The following PDE4D variants were observed in gnomAD, a reference collection of about 807,000 sequenced individuals.
The protein encoded by PDE4D is phosphodiesterase 4D, also known as 3',5'-cyclic-AMP phosphodiesterase 4D.
PDE4D carries 24 observed loss-of-function variants against 87.4 expected under a neutral mutation model. The observed-to-expected ratio is 0.27, with a 90% confidence interval of 0.20 to 0.39. PDE4D has a LOEUF of 0.39. PDE4D is among the 10% of genes least tolerant of loss of function. The pLI, the probability that PDE4D is intolerant of heterozygous loss-of-function variation, is 1.00. For missense variants in PDE4D, 714 were observed against 1,041.0 expected (o/e 0.69, Z 4.32); for synonymous variants, 384 against 383.2 (o/e 1.00, Z -0.02).
intron 1 of PDE4D, among the ~76,000 whole-genome samples, chr5:59,633,099 A>C (rs1831782903): frequency 6.6e-6 from 1 of 152,150 alleles, no homozygotes; most frequent in African/African-American, 2.4e-5. Context: ...TTACCACAGT[A>C]TCAATAGCCA....
chr5:59,326,387 T>C (rs1171253444), intron 1 of PDE4D, among the ~76,000 whole-genome samples: 1 of 152,116 alleles, frequency 6.6e-6, no homozygotes, highest in Non-Finnish European at 1.5e-5. Context: ...AAATACATTA[T>C]TATTTTTCCC....
At chr5:60,108,297 T>TA (rs1181212571) in intron 2 of PDE4D, among the ~76,000 whole-genome samples, 8 of 151,526 alleles carry the variant, frequency 5.3e-5, no homozygotes, top group Non-Finnish European at 1.0e-4. Flanking sequence ...GAATCCAACT[T>TA]ACAAGGGATG....
At position 59,053,658 on chromosome 5, in the gene PDE4D, G is replaced by GTT. The variant is rs1420455755; in HGVS notation, c.809-14689_809-14688dup. On this transcript the variant is annotated intron_variant, in intron 5 of 14. Coordinates refer to ENST00000340635, the MANE Select transcript of PDE4D (RefSeq NM_001104631.2). Reference sequence around the variant, plus strand: ...GTTTTGTTTTTTGTTTTTTTTTGTTGTTGTTTTTTTTTTTTGGCCAGGCAC... The same window carrying GTT: ...GTTTTGTTTTTTGTTTTTTTTTGTTGTTTTGTTTTTTTTTTTTGGCCAGGCAC... 6.2e-5 allele frequency among the ~76,000 whole-genome samples: 5 copies of GTT among 81,076 alleles called. No individual in the cohort carries two copies. In the East Asian group the frequency reaches 1.4e-3, roughly 22 times the overall value. The allele number at this position is 81,076 out of a possible 152,430, so 53.2% of individuals were successfully genotyped here. A position where few individuals can be genotyped will look rare whatever the true frequency, so the allele number is the denominator to read the frequency against.
chr5:59,408,803 A>AG lies in PDE4D; in HGVS notation c.456-192836_456-192835insC, dbSNP rs1458170485. 6.6e-5 allele frequency among the ~76,000 whole-genome samples: 10 copies of AG among 152,096 alleles called. No homozygotes were observed. In the East Asian group the frequency reaches 1.9e-3, roughly 29 times the overall value. Reference sequence around the variant, plus strand: ...TAATGACTGTCCTGTTGTGTTTCAGACTTGGGTGGGGCCTGAAGTCATTTC... The same window carrying AG: ...TAATGACTGTCCTGTTGTGTTTCAGAGCTTGGGTGGGGCCTGAAGTCATTTC... On this transcript the variant is annotated intron_variant, in intron 1 of 14. Coordinates refer to ENST00000340635, the MANE Select transcript of PDE4D (RefSeq NM_001104631.2).
intron 1 of PDE4D, among the ~76,000 whole-genome samples, chr5:60,227,387 G>A (rs942475267): frequency 6.6e-6 from 1 of 152,048 alleles, no homozygotes. Context: ...CAGAATGTAA[G>A]TTCCATGAGG....
chr5:59,531,694 G>C (rs1277058268), intron 1 of PDE4D, among the ~76,000 whole-genome samples: 1 of 152,132 alleles, frequency 6.6e-6, no homozygotes, highest in Non-Finnish European at 1.5e-5. Context: ...AGTTGCATCT[G>C]TCTGACCCTT....
At chr5:59,300,111 C>CAA (rs58771016) in intron 1 of PDE4D, among the ~76,000 whole-genome samples, 3,823 of 48,748 alleles carry the variant, frequency 0.078, 363 homozygotes, top group Non-Finnish European at 0.1. Flanking sequence ...GGGTCTGTCT[C>CAA]AAAAAAAAAA....
chr5:60,225,101 T>C (rs1051831506), intron 1 of PDE4D, among the ~76,000 whole-genome samples: 6 of 152,004 alleles, frequency 3.9e-5, no homozygotes, highest in Non-Finnish European at 5.9e-5. Context: ...CAGACTATTA[T>C]CGCTGCCTCC....
At chr5:59,706,143 T>C (rs1017488691) in intron 1 of PDE4D, among the ~76,000 whole-genome samples, 10 of 152,308 alleles carry the variant, frequency 6.6e-5, no homozygotes, top group Non-Finnish European at 1.2e-4. Flanking sequence ...AAGACACTAG[T>C]GCCCTGGGGA....
intron 1 of PDE4D, among the ~76,000 whole-genome samples, chr5:60,217,714 A>ACT (rs1218673782): frequency 6.6e-6 from 1 of 151,990 alleles, no homozygotes; most frequent in African/African-American, 2.4e-5. Context: ...ACAAAAAAAG[A>ACT]CAATTAAAGG....
intron 1 of PDE4D, among the ~76,000 whole-genome samples, chr5:59,833,402 C>T (rs1268640629): frequency 6.6e-6 from 1 of 151,888 alleles, no homozygotes; most frequent in Non-Finnish European, 1.5e-5. Context: ...CTCAGTCCCC[C>T]AGCCCTGAGA....
chr5:60,337,019 C>T (rs1757809906), intron 1 of PDE4D, among the ~76,000 whole-genome samples: 4 of 151,824 alleles, frequency 2.6e-5, no homozygotes, highest in Non-Finnish European at 5.9e-5. Context: ...ATGATAACTG[C>T]TTAAAATATA....
At chr5:59,713,281 G>A (rs1022280309) in intron 1 of PDE4D, among the ~76,000 whole-genome samples, 2 of 152,228 alleles carry the variant, frequency 1.3e-5, no homozygotes, top group South Asian at 2.1e-4. Context: ...GGCTGAGGCA[G>A]ACATCAGGTC....
intron 1 of PDE4D, among the ~76,000 whole-genome samples, chr5:59,475,762 C>T (rs1562253549): frequency 6.6e-6 from 1 of 152,032 alleles, no homozygotes; most frequent in Admixed American, 6.6e-5. Context: ...CGTTGTAGGG[C>T]TCAGGCTTGT....
chr5:60,141,221 G>A (rs1180826678), intron 2 of PDE4D, among the ~76,000 whole-genome samples: 1 of 152,052 alleles, frequency 6.6e-6, no homozygotes, highest in African/African-American at 2.4e-5. Flanking sequence ...TTGGGGGTGG[G>A]TGACAGAAAG....
chr5:59,801,983 C>G (rs1767181146), intron 1 of PDE4D, among the ~76,000 whole-genome samples: 1 of 152,012 alleles, frequency 6.6e-6, no homozygotes. Flanking sequence ...GAGAAAAACT[C>G]AGAAGGAAAA....
At chr5:59,845,290 T>G (rs747832525) in intron 1 of PDE4D, among the ~76,000 whole-genome samples, 2 of 152,100 alleles carry the variant, frequency 1.3e-5, no homozygotes, top group Non-Finnish European at 2.9e-5. Context: ...CTTTCTCTTT[T>G]CCTCTGGTAA....
chr5:59,524,793 T>C (rs1056266309), intron 1 of PDE4D, among the ~76,000 whole-genome samples: 1 of 152,278 alleles, frequency 6.6e-6, no homozygotes, highest in Non-Finnish European at 1.5e-5. Flanking sequence ...GTCCCAACCA[T>C]GGCTAAAAGG....
intron 1 of PDE4D, among the ~76,000 whole-genome samples, chr5:59,237,851 C>T (rs1412448579): frequency 1.3e-5 from 2 of 150,930 alleles, no homozygotes; most frequent in African/African-American, 4.9e-5. Flanking sequence ...TGTAACGTGT[C>T]CTCACCAGTG....
Sources: gnomAD v4.1 joint callset for allele counts (sites outside exome capture counted in the v4.1 genomes callset) on GRCh38, gnomAD v4.1.1 for gene constraint, MANE v1.5 for transcripts, NCBI Gene and HGNC (gene_info 2026-07-23, HGNC 2026-07-21) for gene names.